The following GCNT1 variants were observed in gnomAD, a reference collection of about 807,000 sequenced individuals.
GCNT1 encodes the protein beta-1,3-galactosyl-O-glycosyl-glycoprotein beta-1,6-N-acetylglucosaminyltransferase.
Under a neutral mutation model 26.2 loss-of-function variants are expected in GCNT1, and 16 were observed. The observed-to-expected ratio is 0.61, with a 90% CI of 0.41 to 0.93. The LOEUF is 0.93. Ranked by LOEUF, GCNT1 falls within the 40% of genes least tolerant of loss-of-function variation. GCNT1 has a pLI of 0.00. For synonymous variants in GCNT1, 183 were observed against 190.8 expected, an observed-to-expected ratio of 0.96 and a Z score of 0.34; for missense variants, 477 against 526.7, an observed-to-expected ratio of 0.91 and a Z score of 0.92.
chr9:76,441,231 C>T (rs1474409711), upstream of GCNT1, among the ~76,000 whole-genome samples: 6 of 151,924 alleles, frequency 3.9e-5, no homozygotes, highest in Admixed American at 6.6e-5. Context: ...CTGCAACATC[C>T]GCCTCCCGGC....
At chr9:76,395,591 TAAAA>T in the GCNT1 span, among the ~76,000 whole-genome samples, 1 of 150,012 alleles carries the variant, frequency 6.7e-6, no homozygotes, top group Non-Finnish European at 1.5e-5. Flanking sequence ...CCTCACCCCT[TAAAA>T]GAACTAGAGA....
At chr9:76,492,749 C>T (rs1238529109) in intron 2 of GCNT1, among the ~76,000 whole-genome samples, 1 of 151,272 alleles carries the variant, frequency 6.6e-6, no homozygotes, top group Non-Finnish European at 1.5e-5. Context: ...TGATAACAAG[C>T]CCTACTGGGT....
chr9:76,403,694 C>T, the GCNT1 span, among the ~76,000 whole-genome samples: 12 of 152,278 alleles, frequency 7.9e-5, no homozygotes, highest in Non-Finnish European at 4.4e-5. Context: ...ATTCTATCTT[C>T]TTCCTCAATC....
chr9:76,433,441 C>T (rs568480751), intron 1 of GCNT1, among the ~76,000 whole-genome samples: 12 of 152,348 alleles, frequency 7.9e-5, no homozygotes, highest in East Asian at 1.9e-4. Context: ...TTGTGTGCCA[C>T]GGCGTACCCC....
chr9:76,409,133 A>G, the GCNT1 span, among the ~76,000 whole-genome samples: 45 of 152,328 alleles, frequency 3.0e-4, no homozygotes, highest in African/African-American at 1.0e-3. Context: ...TTTAATAAAT[A>G]TAGACTTATT....
At chr9:76,464,047 T>G (rs938991864) in intron 2 of GCNT1, among the ~76,000 whole-genome samples, 3 of 151,332 alleles carry the variant, frequency 2.0e-5, no homozygotes, top group Non-Finnish European at 4.4e-5. Flanking sequence ...TGTTTTTTTT[T>G]TTTTTTGTAA....
In GCNT1 at chr9:76,506,494, C is replaced by CCA. The variant is rs1187168964; in HGVS notation, c.*2828_*2829dup. 9 of 166,806 alleles carry CCA rather than the reference C, an allele frequency of 5.4e-5. No individual in the cohort carries two copies. The highest frequency in any genetic ancestry group is 9.7e-5 in the African/African-American group (4 of 41,440). 10.3% of individuals were successfully genotyped at this position (166,806 alleles called of 1,614,324 possible). A position where few individuals can be genotyped will look rare whatever the true frequency, so the allele number is the denominator to read the frequency against. Reference sequence around the variant, plus strand: ...GAGGTTGCAGTGAGCTGAGATGCCACCACCACACCAGCCTGGGTGACAGAG... The same window carrying CCA: ...GAGGTTGCAGTGAGCTGAGATGCCACCACACCACACCAGCCTGGGTGACAGAG... On this transcript the variant is annotated 3_prime_UTR_variant, in exon 4 of 4. Coordinates refer to ENST00000376730, the MANE Select transcript of GCNT1 (RefSeq NM_001490.5).
At chr9:76,393,989 C>CGGTCCGGA in the GCNT1 span, 17 of 1,088,968 alleles carry the variant, frequency 1.6e-5, no homozygotes, top group Non-Finnish European at 2.2e-5. Context: ...TCTCTGCCCG[C>CGGTCCGGA]GGTCCGGAGG....
chr9:76,478,359 C>T (rs1395975615), intron 2 of GCNT1, among the ~76,000 whole-genome samples: 1 of 152,148 alleles, frequency 6.6e-6, no homozygotes, highest in African/African-American at 2.4e-5. Flanking sequence ...TCTTTAAGAG[C>T]TGTAACGCTC....
the GCNT1 span, among the ~76,000 whole-genome samples, chr9:76,397,610 A>G: frequency 8.6e-5 from 13 of 151,912 alleles, no homozygotes; most frequent in African/African-American, 2.9e-4. Context: ...CGCCCGGCTA[A>G]TTTTTGCATT....
intron 2 of GCNT1, among the ~76,000 whole-genome samples, chr9:76,479,175 A>G (rs935708521): frequency 1.3e-5 from 2 of 152,318 alleles, no homozygotes; most frequent in East Asian, 1.9e-4. Context: ...TGTCCCTACA[A>G]AGGACATGAA....
chr9:76,408,735 T>A, the GCNT1 span, among the ~76,000 whole-genome samples: 1 of 152,072 alleles, frequency 6.6e-6, no homozygotes, highest in Non-Finnish European at 1.5e-5. Flanking sequence ...ACCCAGGCTA[T>A]AGTGTAGAGT....
At chr9:76,415,044 G>A (rs949568560), upstream of GCNT1, among the ~76,000 whole-genome samples, 3 of 151,990 alleles carry the variant, frequency 2.0e-5, no homozygotes, top group African/African-American at 4.8e-5. Context: ...AAGCCTTTAT[G>A]TGCCCTTTAG....
chr9:76,442,885 TACTAAAGCCAAAATGGA>T (rs1823503524), intron 1 of GCNT1, among the ~76,000 whole-genome samples: 1 of 151,912 alleles, frequency 6.6e-6, no homozygotes, highest in Non-Finnish European at 1.5e-5. Context: ...GTTGGGAATA[TACTAAAGCCAAAATGGA>T]TTTAAAACAA....
intron 2 of GCNT1, among the ~76,000 whole-genome samples, chr9:76,474,921 T>G (rs989285988): frequency 1.3e-5 from 2 of 152,214 alleles, no homozygotes; most frequent in African/African-American, 4.8e-5. Context: ...GTTTATAATA[T>G]ATTTATCTGG....
upstream of GCNT1, among the ~76,000 whole-genome samples, chr9:76,455,582 T>C (rs1823744677): frequency 6.8e-6 from 1 of 146,212 alleles, no homozygotes; most frequent in Non-Finnish European, 1.5e-5. Flanking sequence ...ATCCCCTTAC[T>C]TTTTTTTTAA....
At chr9:76,490,687 G>A (rs941512399) in intron 2 of GCNT1, among the ~76,000 whole-genome samples, 1 of 152,230 alleles carries the variant, frequency 6.6e-6, no homozygotes, top group African/African-American at 2.4e-5. Context: ...TCCTGATTCT[G>A]TAAGTACTTT....
chr9:76,403,319 G>A, the GCNT1 span, among the ~76,000 whole-genome samples: 4 of 152,134 alleles, frequency 2.6e-5, no homozygotes, highest in Non-Finnish European at 5.9e-5. Flanking sequence ...TGTTCCTTGT[G>A]TATTTCCTGT....
intron 2 of GCNT1, among the ~76,000 whole-genome samples, chr9:76,484,415 T>C (rs1374997730): frequency 1.3e-5 from 2 of 152,170 alleles, no homozygotes; most frequent in South Asian, 4.1e-4. Flanking sequence ...AAGTATTACT[T>C]CTGTGAAAAT....
Sources: allele counts gnomAD v4.1 joint callset (sites outside exome capture counted in the v4.1 genomes callset), GRCh38; gene constraint gnomAD v4.1.1; transcripts MANE v1.5; gene names NCBI Gene and HGNC (gene_info 2026-07-23, HGNC 2026-07-21).